SKAP2: variants seen among roughly 807,000 people sequenced by gnomAD.
The protein encoded by SKAP2 is src kinase associated phosphoprotein 2, also known as src kinase-associated phosphoprotein 2.
In SKAP2, 28 loss-of-function variants were observed where a neutral mutation model predicts 54.9. The ratio of observed to expected loss-of-function variants is 0.51; its 90% CI spans 0.38 to 0.70. The LOEUF (loss-of-function observed/expected upper bound fraction) is 0.70, where lower values mean the gene tolerates loss of function less well. Ranked by LOEUF, SKAP2 falls within the 30% of genes least tolerant of loss-of-function variation. The pLI is 0.00. For missense variants in SKAP2, 356 were observed against 424.1 expected (o/e 0.84, Z 1.41); for synonymous variants, 137 against 134.3 (o/e 1.02, Z -0.14).
chr7:26,830,212 T>C (rs1465346879), intron 4 of SKAP2, among the ~76,000 whole-genome samples: 2 of 152,184 alleles, frequency 1.3e-5, no homozygotes, highest in Non-Finnish European at 2.9e-5. Context: ...ATTAGATTCA[T>C]AGTTGCCTAG....
intron 4 of SKAP2, among the ~76,000 whole-genome samples, chr7:26,816,630 G>A (rs1784272010): frequency 6.6e-6 from 1 of 152,008 alleles, no homozygotes; most frequent in African/African-American, 2.4e-5. Context: ...ATGTGTTGAT[G>A]CACTTAATAT....
chr7:26,768,463 A>G (rs1185260345), intron 4 of SKAP2, among the ~76,000 whole-genome samples: 3 of 152,026 alleles, frequency 2.0e-5, no homozygotes, highest in Admixed American at 6.5e-5. Flanking sequence ...ATTTACATTT[A>G]AGGTTAGTAT....
chr7:26,769,010 T>C (rs888141291), intron 4 of SKAP2, among the ~76,000 whole-genome samples: 12 of 152,240 alleles, frequency 7.9e-5, no homozygotes, highest in African/African-American at 2.2e-4. Context: ...CCTGTCTTTC[T>C]AGGCTGGGGA....
chr7:26,654,852 C>A, the SKAP2 span, among the ~76,000 whole-genome samples: 1 of 152,270 alleles, frequency 6.6e-6, no homozygotes, highest in East Asian at 1.9e-4. Flanking sequence ...CAATAATTAT[C>A]TTGGCTTTAA....
intron 4 of SKAP2, among the ~76,000 whole-genome samples, chr7:26,793,488 G>A (rs922966715): frequency 6.6e-6 from 1 of 152,092 alleles, no homozygotes; most frequent in Non-Finnish European, 1.5e-5. Context: ...TCTAGGAAAG[G>A]TTGCCTTTTC....
intron 4 of SKAP2, among the ~76,000 whole-genome samples, chr7:26,827,857 A>G (rs1477227228): frequency 6.6e-6 from 1 of 152,194 alleles, no homozygotes; most frequent in African/African-American, 2.4e-5. Context: ...ACAAATCAGG[A>G]CCAGTCTTTA....
At chr7:26,684,880 G>A (rs1786596489) in intron 10 of SKAP2, 32 bp from the exon 11 acceptor site, 1 of 1,278,448 alleles carries the variant, frequency 7.8e-7, no homozygotes, top group African/African-American at 1.5e-5. Context: ...CATGAATTAG[G>A]GCCTTCATGT....
rs1785336606 is a variant in SKAP2 at position 26,864,581 on chromosome 7, C to A, written c.-152G>T. The A allele has an allele frequency of 3.5e-6, 5 of 1,410,472 alleles. No homozygotes were observed. The highest frequency in any genetic ancestry group is 4.6e-6 in the Non-Finnish European group (5 of 1,084,222). 87.4% of individuals were successfully genotyped at this position (1,410,472 alleles called of 1,614,324 possible). On this transcript the variant is annotated 5_prime_UTR_variant, in exon 1 of 13. Transcript: ENST00000345317. Reference sequence around the variant, plus strand: ...GACACTGCCGGGCCGGGGCTCACAACAAGGAAGTCACTGAATCTCCAGCGA... The same window carrying A: ...GACACTGCCGGGCCGGGGCTCACAAAAAGGAAGTCACTGAATCTCCAGCGA...
At chr7:26,685,295 T>C (rs1786607388) in intron 10 of SKAP2, among the ~76,000 whole-genome samples, 2 of 151,576 alleles carry the variant, frequency 1.3e-5, no homozygotes. Context: ...AAAATAATAA[T>C]AGTAAAGGAG....
At chr7:26,777,243 C>T (rs892803140) in intron 4 of SKAP2, among the ~76,000 whole-genome samples, 2 of 152,106 alleles carry the variant, frequency 1.3e-5, no homozygotes, top group South Asian at 2.1e-4. Context: ...CTCCTGAATA[C>T]GACAGAAAAA....
At chr7:26,670,006 GACTTTTAA>G (rs1786193387) in intron 12 of SKAP2, 77 bp downstream of exon 12, 1 of 554,550 alleles carries the variant, frequency 1.8e-6, no homozygotes, top group Non-Finnish European at 3.3e-6. Flanking sequence ...AAACTCTAAA[GACTTTTAA>G]AAAGGCAAAG....
intron 4 of SKAP2, among the ~76,000 whole-genome samples, chr7:26,815,787 G>C (rs1784253715): frequency 6.6e-6 from 1 of 152,014 alleles, no homozygotes; most frequent in Non-Finnish European, 1.5e-5. Context: ...GGTTTAAGTA[G>C]CCCCAAACTT....
At chr7:26,826,579 A>G (rs1313445343) in intron 4 of SKAP2, among the ~76,000 whole-genome samples, 1 of 152,224 alleles carries the variant, frequency 6.6e-6, no homozygotes, top group Non-Finnish European at 1.5e-5. Flanking sequence ...CATGTTCTAC[A>G]TATCAAAAAT....
intron 4 of SKAP2, among the ~76,000 whole-genome samples, chr7:26,831,947 T>C (rs915709972): frequency 1.3e-5 from 2 of 152,186 alleles, no homozygotes; most frequent in Non-Finnish European, 2.9e-5. Flanking sequence ...TTCATCAAAC[T>C]ATGGTCATTT....
intron 4 of SKAP2, among the ~76,000 whole-genome samples, chr7:26,839,662 C>CT (rs879448439): frequency 4.0e-4 from 61 of 151,866 alleles, no homozygotes; most frequent in African/African-American, 1.4e-3. Flanking sequence ...TGAAAAAAAC[C>CT]TTTTTTTCCA....
In SKAP2 at chr7:26,776,682, T is replaced by C. The variant is rs568052199; in HGVS notation, c.308-36718A>G. On this transcript the variant is annotated intron_variant, in intron 4 of 12. Coordinates refer to ENST00000345317, the MANE Select transcript of SKAP2 (RefSeq NM_003930.5). ...AGCTCTTATAATTTATCATTTCTTT[T>C]GGATCAACAACAACAGCTTGTCCCT... 1.6e-3 allele frequency among the ~76,000 whole-genome samples: 238 copies of C among 152,330 alleles called. 1 individual carries two copies. Among genetic ancestry groups the C allele is most frequent in the African/African-American group, 5.5e-3 (229 of 41,582 alleles).
chr7:26,759,771 G>A lies in SKAP2; in HGVS notation c.308-19807C>T, dbSNP rs148853550. Among the ~76,000 whole-genome samples the A allele has an allele frequency of 4.7e-3, 710 of 152,160 alleles. 5 individuals are homozygous for A. Among genetic ancestry groups the A allele is most frequent in the African/African-American group, 0.016 (670 of 41,534 alleles). On this transcript the variant is annotated intron_variant, in intron 4 of 12. Coordinates refer to ENST00000345317, the MANE Select transcript of SKAP2 (RefSeq NM_003930.5). ...TTATTGTAGAATGCTTATTCATAAAGCATTTCCTGTTATCCCCATCTTTAA... is the reference window on the plus strand; with the variant it reads ...TTATTGTAGAATGCTTATTCATAAAACATTTCCTGTTATCCCCATCTTTAA...
chr7:26,827,723 T>C (rs1173492797), intron 4 of SKAP2, among the ~76,000 whole-genome samples: 1 of 152,158 alleles, frequency 6.6e-6, no homozygotes. Flanking sequence ...AACAAAAACA[T>C]AAATTACTAG....
chr7:26,816,028 T>C (rs1784258365), intron 4 of SKAP2, among the ~76,000 whole-genome samples: 3 of 152,120 alleles, frequency 2.0e-5, no homozygotes, highest in African/African-American at 7.2e-5. Flanking sequence ...CTATTTACTT[T>C]CCAAAAGGAG....
Sources: allele counts gnomAD v4.1 joint callset (sites outside exome capture counted in the v4.1 genomes callset), GRCh38; gene constraint gnomAD v4.1.1; transcripts MANE v1.5; gene names NCBI Gene and HGNC (gene_info 2026-07-23, HGNC 2026-07-21).